DNAJC13: variants seen among roughly 807,000 people sequenced by gnomAD.
The protein encoded by DNAJC13 is DnaJ heat shock protein family (Hsp40) member C13.
In DNAJC13, 75 loss-of-function variants were observed where a neutral mutation model predicts 290.5. That is an observed-to-expected ratio of 0.26 (90% CI 0.21 to 0.31). DNAJC13 has a LOEUF of 0.31. Among genes scored for constraint, DNAJC13 ranks in the 10% least tolerant of loss-of-function variants. DNAJC13 has a pLI of 1.00. For synonymous variants in DNAJC13, 862 were observed against 892.0 expected, an observed-to-expected ratio of 0.97 and a Z score of 0.60; for missense variants, 2,260 against 2,674.5, an observed-to-expected ratio of 0.85 and a Z score of 3.42.
At chr3:132,453,241 T>C (rs2107666291) in intron 6 of DNAJC13, 57 bp from the exon 7 acceptor site, 4 of 1,518,104 alleles carry the variant, frequency 2.6e-6, no homozygotes, top group Non-Finnish European at 3.6e-6. Flanking sequence ...GTTGATTAGC[T>C]ACAGACACAT....
chr3:132,526,175 T>C lies in DNAJC13; in HGVS notation c.6275T>C (p.Ile2092Thr). The C allele has an allele frequency of 6.2e-7, 1 of 1,614,118 alleles. No homozygotes were observed. The highest frequency in any genetic ancestry group is 8.5e-7 in the Non-Finnish European group (1 of 1,179,982). ...CGAGCCATGGCATCTTTAGAGACCATTGGCCCACTGATGAATGGAATGAAA... is the reference window on the plus strand; with the variant it reads ...CGAGCCATGGCATCTTTAGAGACCACTGGCCCACTGATGAATGGAATGAAA... ...CVRAMASLETIGPLMNGMKKR... is the reference protein window; with the variant it reads ...CVRAMASLETTGPLMNGMKKR... The change falls in exon 53 of 56, where the codon ATT (isoleucine) becomes ACT (threonine). Residue 2092 changes from isoleucine to threonine, a missense_variant. By Grantham distance (89) the Ile-to-Thr change is moderately conservative. Transcript: ENST00000260818.
chr3:132,474,113 G>T (rs536391299), intron 21 of DNAJC13: 1 of 152,288 alleles, frequency 6.6e-6, no homozygotes, highest in South Asian at 2.1e-4. Context: ...TCTTTCTTGG[G>T]TAGTCTGTAA....
intron 9 of DNAJC13, among the ~76,000 whole-genome samples, chr3:132,455,352 G>A (rs1162755794): frequency 1.3e-5 from 2 of 152,168 alleles, no homozygotes; most frequent in Non-Finnish European, 2.9e-5. Flanking sequence ...AGGTGTTGGC[G>A]AGGATATGGA....
chr3:132,516,725 A>G lies in DNAJC13; in HGVS notation c.5582A>G (p.Asp1861Gly). The change falls in exon 48 of 56, where the codon GAT becomes GGT. Residue 1861 changes from aspartate (D) to glycine (G), a missense_variant. By Grantham distance (94) the Asp-to-Gly change is moderately conservative. Coordinates refer to ENST00000260818, the MANE Select transcript of DNAJC13 (RefSeq NM_015268.4). ...MAKGALIYLLDMFCNSTHPQV... is the reference protein window; with the variant it reads ...MAKGALIYLLGMFCNSTHPQV... ...ATAGGTGCTTTGATCTATTTACTGG[A>G]TATGTTCTGCAATTCAACACATCCA... The G allele has an allele frequency of 6.2e-7, 1 of 1,613,196 alleles. No individual in the cohort carries two copies. Among genetic ancestry groups the G allele is most frequent in the Non-Finnish European group, 8.5e-7 (1 of 1,179,612 alleles).
Position 132,471,877 on chromosome 3 carries a change from T to C in DNAJC13, c.2209-1268T>C, listed in dbSNP as rs1263406058. 9.6e-5 allele frequency among the ~76,000 whole-genome samples: 14 copies of C among 145,670 alleles called. 1 individual carries two copies. Among genetic ancestry groups the C allele is most frequent in the Non-Finnish European group, 1.7e-4 (11 of 65,422 alleles). ...GGCAGAGGCTGCAATCTCGGCACTT[T>C]GGGAGGCCAAGGCAGGCGGCTGGGA... On this transcript the variant is annotated intron_variant, in intron 20 of 55. Coordinates refer to ENST00000260818, the MANE Select transcript of DNAJC13 (RefSeq NM_015268.4).
Position 132,495,114 on chromosome 3 carries a change from C to G in DNAJC13, c.3968C>G (p.Ala1323Gly). 1 of 1,613,490 alleles carries G rather than the reference C, an allele frequency of 6.2e-7. No individual in the cohort carries two copies. The highest frequency in any genetic ancestry group is 2.2e-5 in the East Asian group (1 of 44,860). The change falls in exon 35 of 56, where the codon GCT (alanine) becomes GGT (glycine). Residue 1323 changes from alanine to glycine, a missense_variant. This residue lies in a region of DNAJC13 where 1,494 missense variants were observed against 1,693.7 expected (regional missense o/e 0.88). Coordinates refer to ENST00000260818, the MANE Select transcript of DNAJC13 (RefSeq NM_015268.4). ...GPHDESKIRKAYFRLAQKYHP... is the reference protein window; with the variant it reads ...GPHDESKIRKGYFRLAQKYHP... ...CATGATGAGAGCAAGATTAGGAAAG[C>G]TTACTTCAGACTTGCACAAAAGTAC...
intron 20 of DNAJC13, among the ~76,000 whole-genome samples, chr3:132,468,126 C>T (rs933695275): frequency 1.3e-5 from 2 of 152,174 alleles, no homozygotes; most frequent in Non-Finnish European, 2.9e-5. Context: ...GTTTTAGTCT[C>T]ATTCTTCAGC....
intron 2 of DNAJC13, among the ~76,000 whole-genome samples, chr3:132,441,741 G>T (rs2107656120): frequency 6.6e-6 from 1 of 152,302 alleles, no homozygotes; most frequent in East Asian, 1.9e-4. Context: ...TAGTATCTCT[G>T]TTGACACTAT....
At chr3:132,458,023 T>C (rs530664285) in intron 13 of DNAJC13, 1 of 152,124 alleles carries the variant, frequency 6.6e-6, no homozygotes, top group African/African-American at 2.4e-5. Context: ...CAGGTTTGAG[T>C]TTTTAAAAAC....
intron 33 of DNAJC13, among the ~76,000 whole-genome samples, chr3:132,492,852 G>A (rs1935108885): frequency 6.6e-6 from 1 of 151,768 alleles, no homozygotes; most frequent in African/African-American, 2.4e-5. Flanking sequence ...TTGTGGCAAA[G>A]ACAAAACAAA....
intron 15 of DNAJC13, among the ~76,000 whole-genome samples, chr3:132,461,554 T>G (rs1466974443): frequency 1.3e-5 from 2 of 152,246 alleles, no homozygotes; most frequent in Non-Finnish European, 2.9e-5. Flanking sequence ...GACGAATAAA[T>G]GCACCTAGTA....
chr3:132,491,824 G>C (rs1052155015), intron 32 of DNAJC13, among the ~76,000 whole-genome samples: 2 of 152,072 alleles, frequency 1.3e-5, no homozygotes, highest in African/African-American at 4.8e-5. Context: ...TGACCTATGG[G>C]CTTGGCATGT....
chr3:132,417,991 C>G (rs1177829070), intron 1 of DNAJC13, among the ~76,000 whole-genome samples: 1 of 152,134 alleles, frequency 6.6e-6, no homozygotes, highest in Non-Finnish European at 1.5e-5. Context: ...TGTCCAGCCC[C>G]ACCCCTTTTT....
At chr3:132,494,023 C>A in intron 33 of DNAJC13, 121 bp from the exon 34 acceptor site, 1 of 685,156 alleles carries the variant, frequency 1.5e-6, no homozygotes, top group Non-Finnish European at 2.4e-6. Flanking sequence ...TTTCAGAAAG[C>A]TGTTAATTGG....
intron 43 of DNAJC13, 37 bp downstream of exon 43, chr3:132,507,390 GA>G (rs1935628855): frequency 8.4e-7 from 1 of 1,184,716 alleles, no homozygotes; most frequent in South Asian, 1.3e-5. Flanking sequence ...TGATACCTTT[GA>G]TCATTTGTTA....
chr3:132,431,627 T>C (rs1246360372), intron 1 of DNAJC13, among the ~76,000 whole-genome samples: 1 of 152,180 alleles, frequency 6.6e-6, no homozygotes, highest in Non-Finnish European at 1.5e-5. Flanking sequence ...AAAATGTTTT[T>C]ACCACTCAGG....
At chr3:132,478,588 C>T (rs1434888695) in intron 24 of DNAJC13, among the ~76,000 whole-genome samples, 2 of 152,102 alleles carry the variant, frequency 1.3e-5, no homozygotes, top group Non-Finnish European at 2.9e-5. Flanking sequence ...TAGCACTCTA[C>T]AAAAAATTTT....
chr3:132,472,209 A>G (rs1351346945), intron 20 of DNAJC13, among the ~76,000 whole-genome samples: 1 of 151,174 alleles, frequency 6.6e-6, no homozygotes, highest in Non-Finnish European at 1.5e-5. Context: ...TCGGCTCCGC[A>G]TGAGAGGGAG....
chr3:132,420,911 C>T (rs1292565871), intron 1 of DNAJC13, among the ~76,000 whole-genome samples: 1 of 152,004 alleles, frequency 6.6e-6, no homozygotes, highest in East Asian at 1.9e-4. Context: ...AATTATGAGG[C>T]CCATGAAAAA....
Sources: allele counts gnomAD v4.1 joint callset (sites outside exome capture counted in the v4.1 genomes callset), GRCh38; gene constraint gnomAD v4.1.1; regional missense constraint gnomAD v4.1.1; transcripts MANE v1.5; gene names NCBI Gene and HGNC (gene_info 2026-07-23, HGNC 2026-07-21).